ZFP41: variants seen among roughly 807,000 people sequenced by gnomAD.
The protein encoded by ZFP41 is ZFP41 zinc finger protein.
A neutral mutation model predicts 11.6 loss-of-function variants in ZFP41; 10 were observed. The observed-to-expected ratio is 0.86, with a 90% confidence interval of 0.53 to 1.47. The LOEUF (loss-of-function observed/expected upper bound fraction) is 1.47. Ranked by LOEUF, ZFP41 falls within the 40% of genes most tolerant of loss-of-function variation. The pLI is 0.00. For missense variants in ZFP41, 302 were observed against 264.6 expected, an observed-to-expected ratio of 1.14 and a Z score of -0.98; for synonymous variants, 123 against 100.9, an observed-to-expected ratio of 1.22 and a Z score of -1.31.
Position 143,250,615 on chromosome 8 carries a change from A to G in ZFP41, c.*175A>G. On this transcript the variant is annotated 3_prime_UTR_variant, in exon 2 of 3. Transcript: ENST00000330701. ...AGATGTGGGAACGTGCCAGCGAGGG[A>G]GAGACCTTTCCACTGCAGAGAGTCT... 9.7e-7 allele frequency: 1 copy of G among 1,034,626 alleles called. No individual in the cohort carries two copies. Among genetic ancestry groups the G allele is most frequent in the East Asian group, 2.6e-5 (1 of 38,160 alleles). The allele number at this position is 1,034,626 out of a possible 1,614,324, so 64.1% of individuals were successfully genotyped here. A position where few individuals can be genotyped will look rare whatever the true frequency, so the allele number is the denominator to read the frequency against.
chr8:143,254,338 C>T (rs1292833448), intron 2 of ZFP41, among the ~76,000 whole-genome samples: 2 of 152,252 alleles, frequency 1.3e-5, no homozygotes, highest in Non-Finnish European at 2.9e-5. Context: ...TGCACACGCT[C>T]TCTGTGTCTT....
intron 2 of ZFP41, chr8:143,253,360 G>C (rs1814825647): frequency 6.6e-6 from 1 of 152,234 alleles, no homozygotes; most frequent in Non-Finnish European, 1.5e-5. Flanking sequence ...AGCACAGGTG[G>C]GCACGCTTCT....
At position 143,262,190 on chromosome 8, in the gene ZFP41, G is replaced by A. The variant is rs550764773; in HGVS notation, c.*3316G>A. 7.4e-5 allele frequency: 12 copies of A among 161,884 alleles called. No individual in the cohort carries two copies. Among genetic ancestry groups the A allele is most frequent in the Non-Finnish European group, 1.2e-4 (9 of 74,450 alleles). The allele number at this position is 161,884 out of a possible 1,614,324, so 10.0% of individuals were successfully genotyped here. ...GCAGGTCTGTGAGGAGGGCAGCCCCGTGCTCCCGTGGCCACCGCTCAGCCA... is the reference window on the plus strand; with the variant it reads ...GCAGGTCTGTGAGGAGGGCAGCCCCATGCTCCCGTGGCCACCGCTCAGCCA... On this transcript the variant is annotated 3_prime_UTR_variant, in exon 3 of 3. Coordinates refer to ENST00000330701, the MANE Select transcript of ZFP41 (RefSeq NM_173832.6).
rs909865665 is a variant in ZFP41, at chr8:143,262,206, C to T, written c.*3332C>T. Reference sequence around the variant, plus strand: ...GGCAGCCCCGTGCTCCCGTGGCCACCGCTCAGCCAAATGGATTCAGCGAGG... The same window carrying T: ...GGCAGCCCCGTGCTCCCGTGGCCACTGCTCAGCCAAATGGATTCAGCGAGG... On this transcript the variant is annotated 3_prime_UTR_variant, in exon 3 of 3. Coordinates refer to ENST00000330701, the MANE Select transcript of ZFP41 (RefSeq NM_173832.6). 3 of 162,980 alleles carry T rather than the reference C, an allele frequency of 1.8e-5. No individual in the cohort carries two copies. Among genetic ancestry groups the T allele is most frequent in the African/African-American group, 4.8e-5 (2 of 41,666 alleles). The allele number at this position is 162,980 out of a possible 1,614,324, so 10.1% of individuals were successfully genotyped here. A position where few individuals can be genotyped will look rare whatever the true frequency, so the allele number is the denominator to read the frequency against.
chr8:143,252,548 C>A, intron 2 of ZFP41: 1 of 585,664 alleles, frequency 1.7e-6, no homozygotes, highest in Non-Finnish European at 2.2e-6. Context: ...CAGAGGGGAG[C>A]CGTGGCGCCT....
chr8:143,247,414 C>A (rs1403415184), intron 1 of ZFP41: 1 of 152,336 alleles, frequency 6.6e-6, no homozygotes, highest in Non-Finnish European at 1.5e-5. Context: ...CTTGGCACAG[C>A]TAGCAGGCCC....
At chr8:143,254,793 C>G (rs1257531809) in intron 2 of ZFP41, among the ~76,000 whole-genome samples, 1 of 152,002 alleles carries the variant, frequency 6.6e-6, no homozygotes, top group Non-Finnish European at 1.5e-5. Flanking sequence ...CCACCACGCC[C>G]AGCTAATTTT....
At chr8:143,256,135 C>T (rs1468092894) in intron 2 of ZFP41, among the ~76,000 whole-genome samples, 2 of 92,104 alleles carry the variant, frequency 2.2e-5, no homozygotes, top group Admixed American at 1.0e-4. Context: ...GATCACGGCT[C>T]GCCCCGCGTG....
At position 143,261,196 on chromosome 8, in the gene ZFP41, T is replaced by C. The variant is rs1586719939; in HGVS notation, c.*2322T>C. ...TCTGGGGAGCCCACGGACCCTGGGG[T>C]GTACCTGGGTTTCATTCCCAGTGAC... On this transcript the variant is annotated 3_prime_UTR_variant, in exon 3 of 3. Coordinates refer to ENST00000330701, the MANE Select transcript of ZFP41 (RefSeq NM_173832.6). 2 of 152,238 alleles carry C rather than the reference T, an allele frequency of 1.3e-5. No individual in the cohort carries two copies. The highest frequency in any genetic ancestry group is 1.3e-4 in the Admixed American group (2 of 15,282). 9.4% of individuals were successfully genotyped at this position (152,238 alleles called of 1,614,324 possible).
chr8:143,250,253 A>G lies in ZFP41; in HGVS notation c.410A>G (p.His137Arg). The change falls in exon 2 of 3, where the codon CAC (histidine) becomes CGC (arginine). Residue 137 changes from histidine to arginine, a missense_variant. By Grantham distance (29) the His-to-Arg change is conservative. Transcript: ENST00000330701. Reference sequence around the variant, plus strand: ...GACGTCACCAAACACCAGAGGACTCACACGGGAGAGAAGCCCTTCAAATGC... The same window carrying G: ...GACGTCACCAAACACCAGAGGACTCGCACGGGAGAGAAGCCCTTCAAATGC... ...SSDVTKHQRT[H>R]TGEKPFKCGE... The G allele has an allele frequency of 6.2e-7, 1 of 1,614,116 alleles. No individual in the cohort carries two copies. The highest frequency in any genetic ancestry group is 8.5e-7 in the Non-Finnish European group (1 of 1,180,032).
chr8:143,250,281 G>A lies in ZFP41; in HGVS notation c.438G>A (p.Gly146=). The A allele has an allele frequency of 6.2e-7, 1 of 1,614,092 alleles. No individual in the cohort carries two copies. The highest frequency in any genetic ancestry group is 1.3e-5 in the African/African-American group (1 of 75,066). ...CGGGAGAGAAGCCCTTCAAATGCGG[G>A]GAGTGCGGGAAAGCCTTTAACTGCG... ...THTGEKPFKC[G]ECGKAFNCGS... is the part of the protein sequence containing the mutation. Residue 146 remains glycine (G), a synonymous_variant, in exon 2 of 3, where the codon GGG becomes GGA. Coordinates refer to ENST00000330701, the MANE Select transcript of ZFP41 (RefSeq NM_173832.6).
intron 2 of ZFP41, among the ~76,000 whole-genome samples, chr8:143,255,546 G>C: frequency 6.8e-6 from 1 of 146,582 alleles, no homozygotes; most frequent in Admixed American, 6.7e-5. Flanking sequence ...TGGAGTTAGT[G>C]AGATCAGGGC....
chr8:143,260,089 C>CGTGCAGGGAAGCACCCTCTGAAATT lies in ZFP41; in HGVS notation c.*1239_*1240insTGTGCAGGGAAGCACCCTCTGAAAT, dbSNP rs1195116488. 4 of 152,024 alleles carry CGTGCAGGGAAGCACCCTCTGAAATT rather than the reference C, an allele frequency of 2.6e-5. No individual in the cohort carries two copies. Among genetic ancestry groups the CGTGCAGGGAAGCACCCTCTGAAATT allele is most frequent in the Admixed American group, 2.0e-4 (3 of 15,082 alleles). 9.4% of individuals were successfully genotyped at this position (152,024 alleles called of 1,614,324 possible). A position where few individuals can be genotyped will look rare whatever the true frequency, so the allele number is the denominator to read the frequency against. On this transcript the variant is annotated 3_prime_UTR_variant, in exon 3 of 3. Transcript: ENST00000330701. ...CGTGCAGGGAAGCACCCTGTGAAGT[C>CGTGCAGGGAAGCACCCTCTGAAATT]GTGCAGGGAAGCACCCTCTGAAATC...
rs111727052 is a variant in ZFP41 at position 143,256,370 on chromosome 8, G to T, written c.*901-3405G>T. Among the ~76,000 whole-genome samples the T allele has an allele frequency of 2.1e-3, 292 of 140,550 alleles. 6 individuals carry two copies. The highest frequency in any genetic ancestry group is 7.7e-3 in the African/African-American group (278 of 35,872). 92.2% of individuals were successfully genotyped at this position (140,550 alleles called of 152,430 possible). ...GCGTGCTGGAGTTAGTGAGATCAGG[G>T]CTCGCCCCGCGTGCTGGAGTTAGTG... On this transcript the variant is annotated intron_variant, in intron 2 of 2. Coordinates refer to ENST00000330701, the MANE Select transcript of ZFP41 (RefSeq NM_173832.6).
chr8:143,257,812 A>T (rs1414951445), intron 2 of ZFP41, among the ~76,000 whole-genome samples: 1 of 152,232 alleles, frequency 6.6e-6, no homozygotes, highest in East Asian at 1.9e-4. Flanking sequence ...CGCACACAGA[A>T]TCCATCGCCA....
chr8:143,261,166 G>A lies in ZFP41; in HGVS notation c.*2292G>A, dbSNP rs1053319633. ...CTGTTGGCTGTGGTGGGGTCCACCT[G>A]CGTTTCTGGGGAGCCCACGGACCCT... is the stretch of plus-strand genomic sequence containing the variant. On this transcript the variant is annotated 3_prime_UTR_variant, in exon 3 of 3. Transcript: ENST00000330701. 1 of 152,320 alleles carries A rather than the reference G, an allele frequency of 6.6e-6. No homozygotes were observed. The highest frequency in any genetic ancestry group is 1.5e-5 in the Non-Finnish European group (1 of 68,102). The allele number at this position is 152,320 out of a possible 1,614,324, so 9.4% of individuals were successfully genotyped here.
chr8:143,250,044 A>G lies in ZFP41; in HGVS notation c.201A>G (p.Ser67=), dbSNP rs539126101. 2 of 1,614,198 alleles carry G rather than the reference A, an allele frequency of 1.2e-6. No homozygotes were observed. The highest frequency in any genetic ancestry group is 1.7e-6 in the Non-Finnish European group (2 of 1,180,032). The change falls in exon 2 of 3, where the codon TCA becomes TCG. Residue 67 remains serine (S), a synonymous_variant. Transcript: ENST00000330701. ...ACGTCTTTGATGCCTTCGACGCTTCATTTAAAGATGACTTTGAGGGGGTTC... is the reference window on the plus strand; with the variant it reads ...ACGTCTTTGATGCCTTCGACGCTTCGTTTAAAGATGACTTTGAGGGGGTTC... ...EEHVFDAFDA[S]FKDDFEGVPV...
rs767115215 is a variant in ZFP41 at position 143,249,818 on chromosome 8, C to T, written c.-26C>T. 3 of 1,552,848 alleles carry T rather than the reference C, an allele frequency of 1.9e-6. No homozygotes were observed. The highest frequency in any genetic ancestry group is 4.2e-5 in the Admixed American group (2 of 47,982). On this transcript the variant is annotated 5_prime_UTR_variant, in exon 2 of 3. Coordinates refer to ENST00000330701, the MANE Select transcript of ZFP41 (RefSeq NM_173832.6). ...AACAGAGAGGTCAGCAGCCCCTTAG[C>T]CCTCACGCTTCCAAGGAACAGAATG...
At chr8:143,248,867 T>C (rs1157368791) in intron 1 of ZFP41, among the ~76,000 whole-genome samples, 1 of 152,208 alleles carries the variant, frequency 6.6e-6, no homozygotes, top group Non-Finnish European at 1.5e-5. Context: ...CTAAACATTT[T>C]CCTGTAGAAA....
Sources: gnomAD v4.1 joint callset for allele counts (sites outside exome capture counted in the v4.1 genomes callset) on GRCh38, gnomAD v4.1.1 for gene constraint, MANE v1.5 for transcripts, NCBI Gene and HGNC (gene_info 2026-07-23, HGNC 2026-07-21) for gene names.